The following GET1 variants were observed in gnomAD, a reference collection of about 807,000 sequenced individuals.
The protein encoded by GET1 is guided entry of tail-anchored proteins factor 1.
GET1 carries 20 observed loss-of-function variants against 22.6 expected under a neutral mutation model. That is an observed-to-expected ratio of 0.89 (90% confidence interval 0.62 to 1.29). GET1 has a LOEUF of 1.29. Among genes scored for constraint, GET1 ranks in the 50% most tolerant of loss-of-function variants. GET1 has a pLI of 0.00. For missense variants in GET1, 209 were observed against 219.9 expected (o/e 0.95, Z 0.31); for synonymous variants, 92 against 83.8 (o/e 1.10, Z -0.53).
chr21:39,420,655 A>AT, intron 1 of GET1: 2 of 1,500,786 alleles, frequency 1.3e-6, no homozygotes, highest in Non-Finnish European at 1.8e-6. Flanking sequence ...AATAGCTCAT[A>AT]TATTTCGGGA....
At chr21:39,425,281 G>C (rs2074471491) in intron 1 of GET1, among the ~76,000 whole-genome samples, 1 of 152,164 alleles carries the variant, frequency 6.6e-6, no homozygotes, top group Admixed American at 6.5e-5. Context: ...GTCTGCTCCA[G>C]GTGGTGGGAA....
intron 4 of GET1, 117 bp from the exon 5 acceptor site, chr21:39,396,749 C>T: frequency 1.1e-6 from 1 of 925,490 alleles, no homozygotes; most frequent in Non-Finnish European, 1.7e-6. Context: ...TTCACTTCAG[C>T]CCAGCACTGC....
In GET1 at chr21:39,422,694, GCTCT is replaced by G. The variant is rs2073967199; in HGVS notation, c.*24-5535_*24-5532del. On this transcript the variant is annotated intron_variant, in intron 1 of 1. Transcript: ENST00000478273. ...AAAAGTCCCTTAGCACTGTAGCTGT[GCTCT>G]CTTAGAGAATGGTCATTTCCAGATA... is the stretch of plus-strand genomic sequence containing the variant. 4 of 498,424 alleles carry G rather than the reference GCTCT, an allele frequency of 8.0e-6. No individual in the cohort carries two copies. In the East Asian group the frequency reaches 1.3e-4, roughly 16 times the overall value. 30.9% of individuals were successfully genotyped at this position (498,424 alleles called of 1,614,324 possible).
chr21:39,389,962 G>C (rs962617033), intron 1 of GET1, among the ~76,000 whole-genome samples: 15 of 151,332 alleles, frequency 9.9e-5, no homozygotes, highest in African/African-American at 3.4e-4. Flanking sequence ...TAGTGAAACA[G>C]ACAAACATTT....
intron 1 of GET1, among the ~76,000 whole-genome samples, chr21:39,417,948 A>G (rs2041562389): frequency 6.6e-6 from 1 of 151,964 alleles, no homozygotes; most frequent in Non-Finnish European, 1.5e-5. Flanking sequence ...TGTATTTTTT[A>G]GTAGAGATGG....
intron 4 of GET1, among the ~76,000 whole-genome samples, chr21:39,402,900 A>C (rs1026838181): frequency 1.3e-5 from 2 of 152,216 alleles, no homozygotes; most frequent in Non-Finnish European, 2.9e-5. Flanking sequence ...TTACCCTCTA[A>C]CTTTTTTATT....
At chr21:39,410,482 C>T (rs2039896903), downstream of GET1, 1 of 576,946 alleles carries the variant, frequency 1.7e-6, no homozygotes. Context: ...TAAGTATTTT[C>T]TAAATATTCA....
chr21:39,411,848 G>T, intron 1 of GET1: 1 of 1,071,982 alleles, frequency 9.3e-7, no homozygotes, highest in Non-Finnish European at 1.4e-6. Context: ...GCTTGCTTTT[G>T]TCAACCCTGA....
chr21:39,403,381 C>T (rs2038888365), intron 4 of GET1, among the ~76,000 whole-genome samples: 1 of 152,148 alleles, frequency 6.6e-6, no homozygotes, highest in Non-Finnish European at 1.5e-5. Context: ...GGCTGGAGTG[C>T]AGTGGTGCGA....
downstream of GET1, among the ~76,000 whole-genome samples, chr21:39,400,211 C>T (rs1412388009): frequency 2.0e-5 from 3 of 152,166 alleles, no homozygotes; most frequent in African/African-American, 4.8e-5. Flanking sequence ...CCCCCGGAAC[C>T]GGAGCTTTAG....
chr21:39,419,929 GAC>G (rs1287967320), intron 1 of GET1, among the ~76,000 whole-genome samples: 2 of 152,064 alleles, frequency 1.3e-5, no homozygotes, highest in African/African-American at 4.8e-5. Context: ...ATATTTTTAA[GAC>G]AGTTTTTCAA....
At chr21:39,423,764 T>C (rs2074143009) in intron 1 of GET1, among the ~76,000 whole-genome samples, 1 of 152,224 alleles carries the variant, frequency 6.6e-6, no homozygotes, top group African/African-American at 2.4e-5. Context: ...TGTCCAAGAT[T>C]ACATAGCCAC....
chr21:39,418,675 T>C (rs899502316), intron 1 of GET1, among the ~76,000 whole-genome samples: 3 of 152,040 alleles, frequency 2.0e-5, no homozygotes, highest in South Asian at 4.2e-4. Context: ...AATTTTTGTA[T>C]TTTTAGTAGA....
In GET1 at chr21:39,396,863, C is replaced by G; in HGVS notation, c.452-3C>G. ...CTCTCATGGTGAATGTCTTTGTTTT[C>G]AGGTGGTGTTGGAATTACCTGTTGG... On this transcript the variant is annotated splice_polypyrimidine_tract_variant and splice_region_variant and intron_variant, in intron 4 of 4. Coordinates refer to ENST00000649170, the MANE Select transcript of GET1 (RefSeq NM_004627.6). 6.2e-7 allele frequency: 1 copy of G among 1,613,812 alleles called. No individual in the cohort carries two copies. Among genetic ancestry groups the G allele is most frequent in the Non-Finnish European group, 8.5e-7 (1 of 1,179,932 alleles).
chr21:39,423,532 C>T (rs762396187), intron 1 of GET1: 36 of 1,486,840 alleles, frequency 2.4e-5, no homozygotes, highest in Non-Finnish European at 2.9e-5. Flanking sequence ...GTAAAATATA[C>T]AGATATGCAA....
intron 1 of GET1, among the ~76,000 whole-genome samples, chr21:39,413,340 G>C (rs1191605093): frequency 6.6e-6 from 1 of 152,150 alleles, no homozygotes; most frequent in Non-Finnish European, 1.5e-5. Flanking sequence ...AGACAACCTA[G>C]CATAAGACTG....
chr21:39,380,791 C>A (rs969731187), intron 1 of GET1: 1 of 1,084,070 alleles, frequency 9.2e-7, no homozygotes, highest in African/African-American at 1.6e-5. Context: ...AGCCTCGTTT[C>A]CGTTAATCCT....
At chr21:39,388,331 G>T (rs1301256700) in intron 1 of GET1, among the ~76,000 whole-genome samples, 1 of 152,288 alleles carries the variant, frequency 6.6e-6, no homozygotes, top group East Asian at 1.9e-4. Flanking sequence ...TCTAATGCAG[G>T]CGTCAAGTAC....
intron 1 of GET1, among the ~76,000 whole-genome samples, chr21:39,385,299 A>G (rs536104918): frequency 1.3e-5 from 2 of 152,158 alleles, no homozygotes; most frequent in African/African-American, 4.8e-5. Context: ...TGGTCCCCGC[A>G]CTGGTCTCCC....
Sources: gnomAD v4.1 joint callset for allele counts (sites outside exome capture counted in the v4.1 genomes callset) on GRCh38, gnomAD v4.1.1 for gene constraint, MANE v1.5 for transcripts, NCBI Gene and HGNC (gene_info 2026-07-23, HGNC 2026-07-21) for gene names.